HIP1: variants seen among roughly 807,000 people sequenced by gnomAD.
HIP1 encodes huntingtin-interacting protein 1.
Under a neutral mutation model 147.6 loss-of-function variants are expected in HIP1, and 65 were observed. That is an observed-to-expected ratio of 0.44 (90% CI 0.36 to 0.54). HIP1 has a LOEUF of 0.54. Ranked by LOEUF, HIP1 falls within the 20% of genes least tolerant of loss-of-function variation. The pLI is 0.00. For synonymous variants in HIP1, 479 were observed against 504.0 expected (o/e 0.95, Z 0.67); for missense variants, 1,061 against 1,299.6 (o/e 0.82, Z 2.82).
chr7:75,598,066 G>A lies in HIP1; in HGVS notation c.184+1118C>T, dbSNP rs587634638. ...CCTGGCATAGGTTGAACCTGTTCAC[G>A]AAGGTAGAGAGCCCCTGCCTCAGTT... On this transcript the variant is annotated intron_variant, in intron 2 of 30. Transcript: ENST00000336926. Among the ~76,000 whole-genome samples the A allele has an allele frequency of 5.0e-4, 76 of 152,272 alleles. 2 individuals are homozygous for A. The highest frequency in any genetic ancestry group is 2.6e-4 in the Admixed American group (4 of 15,282).
chr7:75,570,631 A>C (rs782335961), intron 8 of HIP1, among the ~76,000 whole-genome samples: 9 of 152,128 alleles, frequency 5.9e-5, no homozygotes, highest in Non-Finnish European at 1.2e-4. Flanking sequence ...GAACAAAGGG[A>C]AAATGGAACT....
chr7:75,571,883 C>A (rs1435723874), intron 8 of HIP1, among the ~76,000 whole-genome samples: 4 of 152,134 alleles, frequency 2.6e-5, no homozygotes, highest in Non-Finnish European at 4.4e-5. Flanking sequence ...TGTGCCCACC[C>A]CAGACACATC....
intron 1 of HIP1, among the ~76,000 whole-genome samples, chr7:75,696,646 G>A (rs879953676): frequency 6.8e-6 from 1 of 146,132 alleles, no homozygotes; most frequent in Non-Finnish European, 1.5e-5. Flanking sequence ...TGTTGCCCAT[G>A]CCAGAGTGCA....
intron 1 of HIP1, among the ~76,000 whole-genome samples, chr7:75,679,855 A>T (rs979510381): frequency 6.6e-6 from 1 of 152,086 alleles, no homozygotes; most frequent in African/African-American, 2.4e-5. Context: ...GCTTAGCAGT[A>T]TCTCACAGTG....
intron 1 of HIP1, among the ~76,000 whole-genome samples, chr7:75,729,680 G>A (rs1352548377): frequency 2.0e-5 from 3 of 152,140 alleles, no homozygotes; most frequent in African/African-American, 7.2e-5. Flanking sequence ...CAGCTACTCA[G>A]GAGGCTGAGG....
intron 1 of HIP1, among the ~76,000 whole-genome samples, chr7:75,681,859 C>T (rs1027594456): frequency 6.6e-5 from 10 of 151,836 alleles, no homozygotes; most frequent in Non-Finnish European, 1.2e-4. Context: ...AACATCTGTT[C>T]ACCCGCCAGA....
chr7:75,642,968 G>C (rs1563265258), intron 1 of HIP1, among the ~76,000 whole-genome samples: 1 of 152,250 alleles, frequency 6.6e-6, no homozygotes. Flanking sequence ...AGCACTCCAC[G>C]TTTAACATCC....
chr7:75,544,430 C>T (rs1319943259), intron 27 of HIP1, among the ~76,000 whole-genome samples: 1 of 107,034 alleles, frequency 9.3e-6, no homozygotes, highest in South Asian at 3.2e-4. Flanking sequence ...TAGCCAAGTA[C>T]TATCTAACGT....
At chr7:75,541,627 TGGAGAG>T (rs1554489876) in intron 29 of HIP1, among the ~76,000 whole-genome samples, 7 of 142,646 alleles carry the variant, frequency 4.9e-5, no homozygotes, top group African/African-American at 1.9e-4. Context: ...ACCTGGGAGG[TGGAGAG>T]TGCGGTGAGC....
chr7:75,555,187 C>CGGGGGGGTGG (rs1178357186), intron 19 of HIP1, among the ~76,000 whole-genome samples: 1 of 7,834 alleles, frequency 1.3e-4, no homozygotes, highest in Non-Finnish European at 3.8e-4. Context: ...TCTCAAAAAG[C>CGGGGGGGTGG]GGGGGGGCGG....
chr7:75,670,323 T>C (rs1554515144), intron 1 of HIP1, among the ~76,000 whole-genome samples: 1 of 150,024 alleles, frequency 6.7e-6, no homozygotes, highest in African/African-American at 2.5e-5. Context: ...GCTAATTTTA[T>C]TTTTTGTATT....
intron 1 of HIP1, chr7:75,639,145 G>A (rs1554510085): frequency 9.1e-6 from 9 of 984,402 alleles, no homozygotes; most frequent in Non-Finnish European, 9.6e-6. Context: ...ATCGCGCCCC[G>A]AGGGTGCCAT....
At chr7:75,649,469 C>T (rs1554511607) in intron 1 of HIP1, among the ~76,000 whole-genome samples, 1 of 152,162 alleles carries the variant, frequency 6.6e-6, no homozygotes, top group Admixed American at 6.6e-5. Flanking sequence ...CCATACCTAC[C>T]TCTGAATCTG....
intron 1 of HIP1, among the ~76,000 whole-genome samples, chr7:75,621,110 G>T (rs1797831483): frequency 6.6e-6 from 1 of 152,188 alleles, no homozygotes; most frequent in South Asian, 2.1e-4. Flanking sequence ...TGGTGGCAGA[G>T]GTGGGAGGAT....
At chr7:75,631,951 TG>T (rs1413574176) in intron 1 of HIP1, among the ~76,000 whole-genome samples, 1 of 151,744 alleles carries the variant, frequency 6.6e-6, no homozygotes, top group Non-Finnish European at 1.5e-5. Context: ...GATAGTGTGA[TG>T]GGGGCAGAAA....
chr7:75,698,782 G>A (rs782270273), intron 1 of HIP1, among the ~76,000 whole-genome samples: 12 of 151,520 alleles, frequency 7.9e-5, no homozygotes, highest in Non-Finnish European at 1.5e-4. Context: ...ATCATATCAT[G>A]TACTCCAGCC....
intron 1 of HIP1, chr7:75,733,493 G>C (rs79716237): frequency 6.8e-6 from 1 of 147,764 alleles, no homozygotes; most frequent in African/African-American, 2.5e-5. Context: ...AAAGTGGCTT[G>C]TGATGGATTG....
chr7:75,583,756 TTGTGTGTG>T (rs60640180), intron 5 of HIP1, among the ~76,000 whole-genome samples: 1,696 of 115,492 alleles, frequency 0.015, 23 homozygotes, highest in African/African-American at 0.029. Flanking sequence ...GCGGGCTAAT[TTGTGTGTG>T]TGTGTGTGTG....
intron 1 of HIP1, among the ~76,000 whole-genome samples, chr7:75,686,567 C>T (rs1009213311): frequency 6.6e-6 from 1 of 151,954 alleles, no homozygotes; most frequent in African/African-American, 2.4e-5. Context: ...TGGGAAGGGC[C>T]CTGGAAAATG....
Sources: allele counts gnomAD v4.1 joint callset (sites outside exome capture counted in the v4.1 genomes callset), GRCh38; gene constraint gnomAD v4.1.1; transcripts MANE v1.5; gene names NCBI Gene and HGNC (gene_info 2026-07-23, HGNC 2026-07-21).